LGSN: variants seen among roughly 807,000 people sequenced by gnomAD.
LGSN encodes lengsin, lens protein with glutamine synthetase domain, also known as lengsin.
A neutral mutation model predicts 19.5 loss-of-function variants in LGSN; 21 were observed. The ratio of observed to expected loss-of-function variants is 1.07; its 90% confidence interval spans 0.76 to 1.55. The LOEUF is 1.55. LGSN is among the 40% of genes most tolerant of loss of function. LGSN has a pLI of 0.00. For missense variants in LGSN, 673 were observed against 608.5 expected, an observed-to-expected ratio of 1.11 and a Z score of -1.12; for synonymous variants, 257 against 215.6, an observed-to-expected ratio of 1.19 and a Z score of -1.68.
the LGSN span, among the ~76,000 whole-genome samples, chr6:63,404,156 C>A: frequency 2.6e-5 from 4 of 152,076 alleles, no homozygotes; most frequent in East Asian, 7.7e-4. Context: ...CTAAGCCATG[C>A]CCAGACTCCT....
In LGSN at chr6:63,290,196, T is replaced by C. The variant is rs376655587; in HGVS notation, c.164-4443A>G. Among the ~76,000 whole-genome samples, 117 of 152,344 alleles carry C rather than the reference T, an allele frequency of 7.7e-4. 1 individual carries two copies. Among genetic ancestry groups the C allele is most frequent in the Middle Eastern group, 6.8e-3 (2 of 294 alleles). On this transcript the variant is annotated intron_variant, in intron 2 of 3. Transcript: ENST00000370657. ...TGTATTGGTTTGCAGTTTAAATTTT[T>C]AGTACTGAAGGCCTATAGAGAACTT...
At chr6:63,524,429 G>A in the LGSN span, among the ~76,000 whole-genome samples, 2 of 152,096 alleles carry the variant, frequency 1.3e-5, no homozygotes, top group Admixed American at 1.3e-4. Context: ...CTTCTAAGAG[G>A]ACATCAATTT....
At chr6:63,536,195 G>A in the LGSN span, among the ~76,000 whole-genome samples, 5 of 152,276 alleles carry the variant, frequency 3.3e-5, no homozygotes, top group African/African-American at 1.2e-4. Flanking sequence ...GCTGGGCGTG[G>A]TGGCGGGTGC....
At chr6:63,355,657 G>A in the LGSN span, among the ~76,000 whole-genome samples, 1 of 152,110 alleles carries the variant, frequency 6.6e-6, no homozygotes, top group Non-Finnish European at 1.5e-5. Flanking sequence ...TTGGCTTGTA[G>A]ATGCATCACT....
At position 63,285,440 on chromosome 6, in the gene LGSN, G is replaced by C. The variant is rs1295170481; in HGVS notation, c.330+147C>G. 4.6e-6 allele frequency: 3 copies of C among 649,420 alleles called. No homozygotes were observed. The East Asian group carries it at 8.4e-5, about 18-fold the overall frequency. The allele number at this position is 649,420 out of a possible 1,614,324, so 40.2% of individuals were successfully genotyped here. The stretch of plus-strand genomic sequence containing the variant: ...CCTTGGGGAGCAATAATGTGTTTGG[G>C]AGGAACAAGGGAAGAAACAAAATAA... On this transcript the variant is annotated intron_variant, in intron 3 of 3. Coordinates refer to ENST00000370657, the MANE Select transcript of LGSN (RefSeq NM_016571.3).
At chr6:63,338,542 G>A in the LGSN span, among the ~76,000 whole-genome samples, 13 of 152,144 alleles carry the variant, frequency 8.5e-5, no homozygotes, top group South Asian at 4.1e-4. Context: ...AGTATCAGTC[G>A]TAATGGCTCC....
chr6:63,527,657 TTAAG>T, the LGSN span, among the ~76,000 whole-genome samples: 1 of 152,192 alleles, frequency 6.6e-6, no homozygotes, highest in African/African-American at 2.4e-5. Flanking sequence ...CTCTGAGAAC[TTAAG>T]TAACCATGTC....
chr6:63,494,216 C>T, the LGSN span, among the ~76,000 whole-genome samples: 1 of 152,086 alleles, frequency 6.6e-6, no homozygotes, highest in African/African-American at 2.4e-5. Flanking sequence ...TCCTAAAGTG[C>T]TGAGATTACA....
At chr6:63,467,936 C>G in the LGSN span, among the ~76,000 whole-genome samples, 1 of 151,990 alleles carries the variant, frequency 6.6e-6, no homozygotes, top group African/African-American at 2.4e-5. Flanking sequence ...AAATGATCCA[C>G]CCGCCTCAGC....
the LGSN span, among the ~76,000 whole-genome samples, chr6:63,349,042 G>A: frequency 2.9e-3 from 449 of 152,282 alleles, 3 homozygotes; most frequent in African/African-American, 0.01. Context: ...GGGGGCAGAA[G>A]TCAAAGCACT....
chr6:63,304,525 G>A (rs189202741), intron 1 of LGSN, among the ~76,000 whole-genome samples: 182 of 152,274 alleles, frequency 1.2e-3, no homozygotes, highest in South Asian at 2.9e-3. Context: ...AATACACTGG[G>A]TTTTGTAGAG....
chr6:63,396,476 G>A, the LGSN span: 1,323 of 165,800 alleles, frequency 8.0e-3, 14 homozygotes, highest in South Asian at 0.023. Context: ...GCTCAGAGGA[G>A]GTGTTCTAGA....
At chr6:63,441,249 G>A in the LGSN span, 1 of 347,476 alleles carries the variant, frequency 2.9e-6, no homozygotes. Context: ...GGATTTCTGT[G>A]GCCTCACACA....
the LGSN span, among the ~76,000 whole-genome samples, chr6:63,331,271 C>T: frequency 6.6e-6 from 1 of 152,140 alleles, no homozygotes; most frequent in Non-Finnish European, 1.5e-5. Flanking sequence ...GAAAAGAAAG[C>T]TTGGACATAA....
chr6:63,540,265 A>G, the LGSN span, among the ~76,000 whole-genome samples: 1 of 126,944 alleles, frequency 7.9e-6, no homozygotes, highest in Admixed American at 7.8e-5. Flanking sequence ...CCAGATGTAT[A>G]TAGAATCATA....
At chr6:63,401,417 T>C in the LGSN span, among the ~76,000 whole-genome samples, 1 of 150,778 alleles carries the variant, frequency 6.6e-6, no homozygotes, top group Non-Finnish European at 1.5e-5. Context: ...AAAAAAAAGT[T>C]ACAAAATTAA....
At chr6:63,441,959 G>T in the LGSN span, 1 of 209,330 alleles carries the variant, frequency 4.8e-6, no homozygotes, top group African/African-American at 2.4e-5. Context: ...GAGTGTTACA[G>T]TTCTTAAAGA....
At chr6:63,445,841 A>G in the LGSN span, among the ~76,000 whole-genome samples, 196 of 152,230 alleles carry the variant, frequency 1.3e-3, 1 homozygote, top group Admixed American at 2.3e-3. Flanking sequence ...TTCTCCATTC[A>G]TAACACAGCC....
chr6:63,412,770 AG>A, the LGSN span, among the ~76,000 whole-genome samples: 8 of 16,344 alleles, frequency 4.9e-4, no homozygotes, highest in East Asian at 4.8e-3. Context: ...AAAGAAAGAA[AG>A]GAAGGAAGGG....
Sources: allele counts gnomAD v4.1 joint callset (sites outside exome capture counted in the v4.1 genomes callset), GRCh38; gene constraint gnomAD v4.1.1; transcripts MANE v1.5; gene names NCBI Gene and HGNC (gene_info 2026-07-23, HGNC 2026-07-21).